Variants in SIRPG observed in about 807,000 individuals in gnomAD.
SIRPG encodes signal-regulatory protein gamma.
A neutral mutation model predicts 35.7 loss-of-function variants in SIRPG; 38 were observed. That is an observed-to-expected ratio of 1.06 (90% CI 0.82 to 1.40). SIRPG has a LOEUF of 1.40. Ranked by LOEUF, SIRPG falls within the 40% of genes most tolerant of loss-of-function variation. SIRPG has a pLI of 0.00. For synonymous variants in SIRPG, 215 were observed against 190.4 expected (o/e 1.13, Z -1.06); for missense variants, 519 against 483.0 (o/e 1.07, Z -0.70).
At chr20:1,652,068 G>A (rs2091943367) in intron 1 of SIRPG, among the ~76,000 whole-genome samples, 1 of 152,108 alleles carries the variant, frequency 6.6e-6, no homozygotes, top group Admixed American at 6.6e-5. Flanking sequence ...AGAGACTTTG[G>A]CAATGATTTT....
rs71193923 is a variant in SIRPG, at chr20:1,650,004, G to GTATATA, written c.74-602_74-597dup. 1.1e-3 allele frequency among the ~76,000 whole-genome samples: 110 copies of GTATATA among 98,818 alleles called. 1 individual carries two copies. Among genetic ancestry groups the GTATATA allele is most frequent in the African/African-American group, 2.1e-3 (53 of 25,720 alleles). 64.8% of individuals were successfully genotyped at this position (98,818 alleles called of 152,430 possible). A position where few individuals can be genotyped will look rare whatever the true frequency, so the allele number is the denominator to read the frequency against. ...ACTCCTGAACTCTACTTTGAAGTGT[G>GTATATA]TATATATATATATATATATATATGT... On this transcript the variant is annotated intron_variant, in intron 1 of 5. Coordinates refer to ENST00000303415, the MANE Select transcript of SIRPG (RefSeq NM_018556.4).
At chr20:1,655,933 T>A in intron 1 of SIRPG, among the ~76,000 whole-genome samples, 1 of 152,286 alleles carries the variant, frequency 6.6e-6, no homozygotes. Context: ...TATGTGTATA[T>A]AATGTGTATA....
At chr20:1,654,485 A>T (rs1600227306) in intron 1 of SIRPG, among the ~76,000 whole-genome samples, 3 of 152,336 alleles carry the variant, frequency 2.0e-5, no homozygotes, top group African/African-American at 7.2e-5. Context: ...AAAGTTGGAT[A>T]TCCATGTGTA....
At chr20:1,663,698 C>G in the SIRPG span, among the ~76,000 whole-genome samples, 1 of 152,140 alleles carries the variant, frequency 6.6e-6, no homozygotes, top group Non-Finnish European at 1.5e-5. Flanking sequence ...TTGAATGTTG[C>G]GTGTAAATGA....
intron 2 of SIRPG, among the ~76,000 whole-genome samples, chr20:1,640,482 T>C (rs1341045040): frequency 1.3e-5 from 2 of 152,212 alleles, no homozygotes; most frequent in Non-Finnish European, 2.9e-5. Context: ...TTGCTGAAGT[T>C]TCTTATCAGC....
chr20:1,631,677 C>T (rs2181872), intron 4 of SIRPG, among the ~76,000 whole-genome samples: 30,255 of 152,132 alleles, frequency 0.2, 3,604 homozygotes, highest in Admixed American at 0.31. Flanking sequence ...CTCATCAGCT[C>T]GCAATGAGGA....
chr20:1,642,109 C>T (rs13037249), intron 2 of SIRPG, among the ~76,000 whole-genome samples: 33,631 of 152,068 alleles, frequency 0.22, 4,089 homozygotes, highest in Admixed American at 0.34. Flanking sequence ...CTATTAGGTC[C>T]ACTTGATCCA....
At chr20:1,643,300 T>C (rs1283990692) in intron 2 of SIRPG, among the ~76,000 whole-genome samples, 1 of 152,186 alleles carries the variant, frequency 6.6e-6, no homozygotes, top group Admixed American at 6.5e-5. Context: ...CTTGTCCGCA[T>C]GTCTTATTTC....
the SIRPG span, among the ~76,000 whole-genome samples, chr20:1,681,191 C>T: frequency 6.6e-6 from 1 of 152,152 alleles, no homozygotes; most frequent in African/African-American, 2.4e-5. Flanking sequence ...CAGAAGAGCC[C>T]AGGAGAAGAA....
the SIRPG span, among the ~76,000 whole-genome samples, chr20:1,682,767 G>A: frequency 6.6e-6 from 1 of 152,142 alleles, no homozygotes; most frequent in Non-Finnish European, 1.5e-5. Flanking sequence ...AGTACTAGAA[G>A]AAAAGTTCTG....
intron 2 of SIRPG, chr20:1,648,349 C>A (rs8121856): frequency 6.6e-6 from 1 of 152,114 alleles, no homozygotes; most frequent in East Asian, 1.9e-4. Flanking sequence ...ACAGCAAATG[C>A]GAGACTTATT....
At chr20:1,665,578 C>G in the SIRPG span, among the ~76,000 whole-genome samples, 1 of 152,124 alleles carries the variant, frequency 6.6e-6, no homozygotes, top group African/African-American at 2.4e-5. Flanking sequence ...TCTTTCCAGT[C>G]ACCCCATCTC....
At chr20:1,662,371 G>A (rs1270395555), upstream of SIRPG, among the ~76,000 whole-genome samples, 5 of 152,156 alleles carry the variant, frequency 3.3e-5, no homozygotes, top group African/African-American at 1.2e-4. Flanking sequence ...TGGTTAGCTC[G>A]TCAGAGTGAA....
At chr20:1,673,878 G>C in the SIRPG span, among the ~76,000 whole-genome samples, 1 of 152,204 alleles carries the variant, frequency 6.6e-6, no homozygotes, top group African/African-American at 2.4e-5. Context: ...TTTCAGTGCT[G>C]TTTAAACACA....
intron 2 of SIRPG, among the ~76,000 whole-genome samples, chr20:1,643,913 C>A (rs1003406639): frequency 6.6e-6 from 1 of 152,132 alleles, no homozygotes; most frequent in Non-Finnish European, 1.5e-5. Flanking sequence ...CTTGAAGAGG[C>A]TGGAGAACGG....
the SIRPG span, among the ~76,000 whole-genome samples, chr20:1,681,208 A>G: frequency 1.1e-3 from 161 of 152,330 alleles, no homozygotes; most frequent in African/African-American, 3.8e-3. Flanking sequence ...AGAAAACTAC[A>G]CATCCTCTTC....
intron 1 of SIRPG, among the ~76,000 whole-genome samples, chr20:1,649,626 G>GTTTTTTTTT (rs1568736258): frequency 3.0e-5 from 3 of 101,618 alleles, no homozygotes; most frequent in African/African-American, 1.2e-4. Context: ...GCACAGAGAG[G>GTTTTTTTTT]TTCTTTTTTT....
chr20:1,675,135 G>A, the SIRPG span, among the ~76,000 whole-genome samples: 26 of 152,216 alleles, frequency 1.7e-4, 1 homozygote, highest in Non-Finnish European at 1.5e-4. Flanking sequence ...GACAGCCCAA[G>A]GGGAGAATGG....
chr20:1,631,206 T>G (rs1451036441), intron 4 of SIRPG, among the ~76,000 whole-genome samples: 1 of 152,160 alleles, frequency 6.6e-6, no homozygotes, highest in Non-Finnish European at 1.5e-5. Context: ...GGTGGGTCCT[T>G]AAGGAAGAAA....
Sources: gnomAD v4.1 joint callset for allele counts (sites outside exome capture counted in the v4.1 genomes callset) on GRCh38, gnomAD v4.1.1 for gene constraint, MANE v1.5 for transcripts, NCBI Gene and HGNC (gene_info 2026-07-23, HGNC 2026-07-21) for gene names.